Variants in USP43 observed in about 807,000 individuals in gnomAD.
USP43 encodes ubiquitin carboxyl-terminal hydrolase 43.
In USP43, 33 loss-of-function variants were observed where a neutral mutation model predicts 90.7. That is an observed-to-expected ratio of 0.36 (90% CI 0.28 to 0.49). USP43 has a LOEUF of 0.49. Ranked by LOEUF, USP43 falls within the 20% of genes least tolerant of loss-of-function variation. USP43 has a pLI of 0.98. For missense variants in USP43, 1,274 were observed against 1,476.4 expected, an observed-to-expected ratio of 0.86 and a Z score of 2.25; for synonymous variants, 598 against 615.8, an observed-to-expected ratio of 0.97 and a Z score of 0.43.
At chr17:9,694,726 C>T (rs1301237868) in intron 9 of USP43, among the ~76,000 whole-genome samples, 3 of 152,010 alleles carry the variant, frequency 2.0e-5, no homozygotes, top group Non-Finnish European at 2.9e-5. Context: ...TGGGTTCGAG[C>T]GATTTTCCTG....
At chr17:9,704,119 C>G (rs1373402313) in intron 12 of USP43, among the ~76,000 whole-genome samples, 1 of 152,118 alleles carries the variant, frequency 6.6e-6, no homozygotes, top group Non-Finnish European at 1.5e-5. Flanking sequence ...ATTTCTGTTC[C>G]TTTGTCTAGG....
intron 3 of USP43, among the ~76,000 whole-genome samples, chr17:9,672,404 T>G (rs1295119616): frequency 6.6e-6 from 1 of 152,196 alleles, no homozygotes; most frequent in African/African-American, 2.4e-5. Context: ...AAAGTCATAT[T>G]CCTGAACCAG....
rs761065719 is a variant in USP43 at position 9,686,936 on chromosome 17, T to TGTGTGCGTGCATGCGC, written c.1353+28_1353+43dup. ...TCAGTGGTGTGCATGCGTGTGTGTGTGTGTGCGTGCATGCGCATGTGCATG... is the reference window on the plus strand; with the variant it reads ...TCAGTGGTGTGCATGCGTGTGTGTGTGTGTGCGTGCATGCGCGTGTGCGTGCATGCGCATGTGCATG... On this transcript the variant is annotated intron_variant, in intron 8 of 14. Coordinates refer to ENST00000285199, the MANE Select transcript of USP43 (RefSeq NM_153210.5). This position sits in a 1 kb window ranked among gnomAD's most constrained non-coding sequence, Gnocchi z 5.5. The TGTGTGCGTGCATGCGC allele has an allele frequency of 1.9e-6, 3 of 1,591,642 alleles. No individual in the cohort carries two copies. The Admixed American group carries it at 5.0e-5, about 27-fold the overall frequency.
chr17:9,723,855 C>T (rs1250707564), intron 14 of USP43, among the ~76,000 whole-genome samples: 3 of 151,886 alleles, frequency 2.0e-5, no homozygotes, highest in Non-Finnish European at 2.9e-5. Context: ...GTGATCCACC[C>T]GCCTCGGCCT....
chr17:9,647,869 AAATT>A (rs1911560441), intron 1 of USP43, among the ~76,000 whole-genome samples: 2 of 151,148 alleles, frequency 1.3e-5, no homozygotes, highest in Non-Finnish European at 1.5e-5. Flanking sequence ...AAAAAAAAAA[AAATT>A]AGCCGGACGT....
At position 9,674,931 on chromosome 17, in the gene USP43, A is replaced by T; in HGVS notation, c.781A>T (p.Thr261Ser). ...TCCCCACTGCCTGAAACAGAGCAAC[A>T]CCTTTGATCCTTTCCTGTGTGTGTC... The part of the protein sequence containing the change: ...TCPHCLKQSN[T>S]FDPFLCVSLP... Residue 261 changes from threonine to serine, a missense_variant, in exon 4 of 15, where the codon ACC becomes TCC. Thr to Ser is a moderately conservative substitution (Grantham distance 58). This residue lies in a region of USP43 where 259 missense variants were observed against 373.7 expected (regional missense o/e 0.69). Coordinates refer to ENST00000285199, the MANE Select transcript of USP43 (RefSeq NM_153210.5). The surrounding 1 kb of genome is among the most constrained non-coding windows in gnomAD (Gnocchi z 4.4). 1 of 1,613,938 alleles carries T rather than the reference A, an allele frequency of 6.2e-7. No homozygotes were observed. The highest frequency in any genetic ancestry group is 8.5e-7 in the Non-Finnish European group (1 of 1,179,868).
intron 12 of USP43, among the ~76,000 whole-genome samples, chr17:9,708,022 T>G (rs1482494761): frequency 6.6e-6 from 1 of 152,194 alleles, no homozygotes; most frequent in East Asian, 1.9e-4. Flanking sequence ...GGATGTCACA[T>G]GTAGGCTCAG....
At chr17:9,679,521 T>TC (rs1192858199) in intron 5 of USP43, among the ~76,000 whole-genome samples, 4 of 142,174 alleles carry the variant, frequency 2.8e-5, no homozygotes, top group Non-Finnish European at 6.1e-5. Context: ...TGCATCTTTT[T>TC]TTTTTTTTTT....
At chr17:9,719,864 C>T (rs949311463) in intron 14 of USP43, among the ~76,000 whole-genome samples, 3 of 151,978 alleles carry the variant, frequency 2.0e-5, no homozygotes, top group Non-Finnish European at 2.9e-5. Flanking sequence ...GCTAGGAGCC[C>T]GAGACCAGCC....
intron 9 of USP43, among the ~76,000 whole-genome samples, chr17:9,694,858 A>C (rs1402400106): frequency 6.6e-6 from 1 of 152,144 alleles, no homozygotes; most frequent in African/African-American, 2.4e-5. Flanking sequence ...TCCTGACCTC[A>C]AGTGATCCAC....
intron 12 of USP43, among the ~76,000 whole-genome samples, chr17:9,708,853 T>C (rs1195781378): frequency 6.6e-6 from 1 of 152,128 alleles, no homozygotes; most frequent in Non-Finnish European, 1.5e-5. Context: ...GGTCTCGAAC[T>C]CCTGACCTCG....
Position 9,646,136 on chromosome 17 carries a change from G to C in USP43, c.504G>C (p.Lys168Asn). The C allele has an allele frequency of 7.0e-7, 1 of 1,437,438 alleles. No individual in the cohort carries two copies. The highest frequency in any genetic ancestry group is 9.1e-7 in the Non-Finnish European group (1 of 1,098,558). The allele number at this position is 1,437,438 out of a possible 1,614,324, so 89.0% of individuals were successfully genotyped here. Residue 168 changes from lysine to asparagine, a missense_variant and splice_region_variant, in exon 1 of 15, where the codon AAG (lysine) becomes AAC (asparagine). Lys to Asn is a moderately conservative substitution (Grantham distance 94). Transcript: ENST00000285199. ...EYTPQLSAEF[K>N]NAVSKYGSQF... Reference sequence around the variant, plus strand: ...CGCCCCAACTTTCCGCGGAGTTCAAGGTAGGCAGCGCTGCGCCGCCGACCG... The same window carrying C: ...CGCCCCAACTTTCCGCGGAGTTCAACGTAGGCAGCGCTGCGCCGCCGACCG...
Position 9,666,757 on chromosome 17 carries a change from A to G in USP43, c.740+6A>G, listed in dbSNP as rs1298971799. On this transcript the variant is annotated splice_donor_region_variant and intron_variant, in intron 3 of 14. Transcript: ENST00000285199. ...CACTTTCAAGCACAATATAGGTAAG[A>G]TGGGGATGTGTTTAGAATGTATCAC... is the stretch of plus-strand genomic sequence containing the variant. 1 of 1,607,008 alleles carries G rather than the reference A, an allele frequency of 6.2e-7. No individual in the cohort carries two copies. Among genetic ancestry groups the G allele is most frequent in the Admixed American group, 1.7e-5 (1 of 59,404 alleles).
At chr17:9,681,753 G>A (rs1405702948) in intron 6 of USP43, among the ~76,000 whole-genome samples, 2 of 151,662 alleles carry the variant, frequency 1.3e-5, no homozygotes, top group South Asian at 2.1e-4. Flanking sequence ...CTCAGCCTCC[G>A]AAAGTCCTGG....
At chr17:9,692,124 C>T (rs538996780) in intron 8 of USP43, among the ~76,000 whole-genome samples, 3 of 151,692 alleles carry the variant, frequency 2.0e-5, no homozygotes, top group South Asian at 2.1e-4. Flanking sequence ...TTTGGGAGGC[C>T]GAGGTGGGCG....
intron 14 of USP43, among the ~76,000 whole-genome samples, chr17:9,720,241 G>A (rs574903918): frequency 7.0e-6 from 1 of 143,490 alleles, no homozygotes; most frequent in Non-Finnish European, 1.5e-5. Context: ...CAGGAGAATC[G>A]CTTAAACCTG....
chr17:9,645,678 C>A lies in USP43; in HGVS notation c.46C>A (p.Pro16Thr). The change falls in exon 1 of 15, where the codon CCC (proline) becomes ACC (threonine). Residue 16 changes from proline to threonine, a missense_variant. By Grantham distance (38) the Pro-to-Thr change is conservative (BLOSUM62 -1). Transcript: ENST00000285199. The surrounding 1 kb of genome is among the most constrained non-coding windows in gnomAD (Gnocchi z 6.8). ...CGCGGCAGGAGGGGGACCGCTCGCG[C>A]CCCGGCCCCGCCGCCGCCGCTCCCT... is the stretch of plus-strand genomic sequence containing the variant. Reference protein sequence around the residue: ...GDAAGGGPLAPRPRRRRSLRR... With the variant: ...GDAAGGGPLATRPRRRRSLRR... 1 of 1,283,120 alleles carries A rather than the reference C, an allele frequency of 7.8e-7. No individual in the cohort carries two copies. The highest frequency in any genetic ancestry group is 9.8e-7 in the Non-Finnish European group (1 of 1,021,370). The allele number at this position is 1,283,120 out of a possible 1,614,324, so 79.5% of individuals were successfully genotyped here. A position where few individuals can be genotyped will look rare whatever the true frequency, so the allele number is the denominator to read the frequency against.
At chr17:9,722,200 C>T (rs1250367692) in intron 14 of USP43, among the ~76,000 whole-genome samples, 1 of 151,952 alleles carries the variant, frequency 6.6e-6, no homozygotes, top group East Asian at 1.9e-4. Flanking sequence ...TTAATGTTTT[C>T]AACCTTAAAT....
intron 3 of USP43, among the ~76,000 whole-genome samples, chr17:9,670,529 CCACCCCACAACCCT>C (rs1407701771): frequency 6.6e-6 from 1 of 152,048 alleles, no homozygotes. Flanking sequence ...ATTAGTCCTT[CCACCCCACAACCCT>C]CACCCCAGTC....
Sources: allele counts gnomAD v4.1 joint callset (sites outside exome capture counted in the v4.1 genomes callset), GRCh38; gene constraint gnomAD v4.1.1; regional missense constraint gnomAD v4.1.1; non-coding constraint Gnocchi (gnomAD v3.1); transcripts MANE v1.5; gene names NCBI Gene and HGNC (gene_info 2026-07-23, HGNC 2026-07-21).